MDGA2: variants seen among roughly 807,000 people sequenced by gnomAD.
MDGA2 encodes MAM domain-containing glycosylphosphatidylinositol anchor protein 2.
MDGA2 carries 40 observed loss-of-function variants against 117.8 expected under a neutral mutation model. That is an observed-to-expected ratio of 0.34 (90% CI 0.26 to 0.44). The LOEUF (loss-of-function observed/expected upper bound fraction) is 0.44. Ranked by LOEUF, MDGA2 falls within the 20% of genes least tolerant of loss-of-function variation. The pLI is 1.00. For missense variants in MDGA2, 1,123 were observed against 1,250.6 expected, an observed-to-expected ratio of 0.90 and a Z score of 1.54; for synonymous variants, 452 against 439.0, an observed-to-expected ratio of 1.03 and a Z score of -0.37.
At chr14:47,307,691 G>GA (rs113956118) in intron 1 of MDGA2, among the ~76,000 whole-genome samples, 15 of 150,072 alleles carry the variant, frequency 1.0e-4, no homozygotes, top group East Asian at 2.0e-4. Context: ...CTGTGGGGGG[G>GA]AAAAAAAAAG....
At chr14:47,278,576 T>G (rs544048840) in intron 2 of MDGA2, among the ~76,000 whole-genome samples, 1 of 152,180 alleles carries the variant, frequency 6.6e-6, no homozygotes, top group Non-Finnish European at 1.5e-5. Context: ...TAAAGACCTG[T>G]GTTAAGTATC....
chr14:47,296,776 C>T (rs759268939), intron 2 of MDGA2, among the ~76,000 whole-genome samples: 3 of 152,174 alleles, frequency 2.0e-5, no homozygotes, highest in Non-Finnish European at 4.4e-5. Flanking sequence ...ATATACCCTA[C>T]AAGTATTCAT....
intron 4 of MDGA2, among the ~76,000 whole-genome samples, chr14:47,132,200 A>G: frequency 6.6e-6 from 1 of 151,954 alleles, no homozygotes; most frequent in East Asian, 1.9e-4. Context: ...AGTGTACTTA[A>G]TAATGGAGTG....
intron 1 of MDGA2, among the ~76,000 whole-genome samples, chr14:47,557,386 T>G (rs999980023): frequency 6.6e-6 from 1 of 152,148 alleles, no homozygotes; most frequent in Non-Finnish European, 1.5e-5. Flanking sequence ...TGGGAAAATT[T>G]AAGGGTGTAA....
At chr14:47,482,430 G>A (rs1893973360) in intron 1 of MDGA2, among the ~76,000 whole-genome samples, 3 of 151,940 alleles carry the variant, frequency 2.0e-5, no homozygotes, top group African/African-American at 7.2e-5. Context: ...TTAGTTCCAG[G>A]TCTAAGTAAA....
In MDGA2 at chr14:47,674,583, A is replaced by T. The variant is rs1343549707; in HGVS notation, c.214T>A (p.Leu72Ile). ...GYVHVHVKMD[L>I]LYGLVWLLTV... Reference sequence around the variant, plus strand: ...AGCAGCCACACGAGACCGTACAGTAAATCCATCTTCACGTGAACATGAACA... The same window carrying T: ...AGCAGCCACACGAGACCGTACAGTATATCCATCTTCACGTGAACATGAACA... The change falls in exon 1 of 17, where the codon TTA becomes ATA. Residue 72 changes from leucine to isoleucine, a missense_variant. Transcript: ENST00000399232. 12 of 1,551,506 alleles carry T rather than the reference A, an allele frequency of 7.7e-6. No homozygotes were observed. The East Asian group carries it at 2.9e-4, about 38-fold the overall frequency.
intron 3 of MDGA2, among the ~76,000 whole-genome samples, chr14:47,174,513 A>T (rs1417920269): frequency 1.3e-5 from 2 of 152,066 alleles, no homozygotes; most frequent in African/African-American, 2.4e-5. Context: ...ACCGCTCAAC[A>T]ACATGGAAAC....
intron 1 of MDGA2, among the ~76,000 whole-genome samples, chr14:47,455,241 C>T (rs192406150): frequency 6.6e-5 from 10 of 152,236 alleles, no homozygotes; most frequent in African/African-American, 2.4e-4. Flanking sequence ...TGCGGTGGCT[C>T]ACGCCTATAA....
At chr14:47,529,458 C>G (rs945241174) in intron 1 of MDGA2, among the ~76,000 whole-genome samples, 2 of 152,052 alleles carry the variant, frequency 1.3e-5, no homozygotes, top group African/African-American at 4.8e-5. Flanking sequence ...GTATCCCCCC[C>G]CTCAGGTATT....
chr14:47,202,825 T>C (rs146521282), intron 3 of MDGA2, among the ~76,000 whole-genome samples: 1 of 149,422 alleles, frequency 6.7e-6, no homozygotes, highest in East Asian at 1.9e-4. Context: ...ATGACCTTAA[T>C]GCCCAAGTTA....
chr14:47,625,296 T>C (rs944072483), intron 1 of MDGA2, among the ~76,000 whole-genome samples: 7 of 149,822 alleles, frequency 4.7e-5, no homozygotes, highest in African/African-American at 1.8e-4. Flanking sequence ...TCCTAAACAA[T>C]GTTTATGCAA....
intron 6 of MDGA2, among the ~76,000 whole-genome samples, chr14:47,064,219 G>A (rs1384509906): frequency 1.3e-5 from 2 of 151,826 alleles, no homozygotes; most frequent in Admixed American, 1.3e-4. Context: ...GAAAAACATT[G>A]GTGAATCTTA....
chr14:47,335,537 A>G (rs1464555650), intron 1 of MDGA2, among the ~76,000 whole-genome samples: 6 of 151,346 alleles, frequency 4.0e-5, no homozygotes, highest in Admixed American at 2.0e-4. Context: ...ATGGCAAATA[A>G]GGTCAACAGT....
intron 15 of MDGA2, among the ~76,000 whole-genome samples, chr14:46,847,892 CT>C (rs1367333417): frequency 6.6e-6 from 1 of 151,860 alleles, no homozygotes; most frequent in African/African-American, 2.4e-5. Flanking sequence ...AAATATTTTC[CT>C]TTTTCCAAAA....
At chr14:47,448,035 T>C (rs980184004) in intron 1 of MDGA2, among the ~76,000 whole-genome samples, 14 of 152,156 alleles carry the variant, frequency 9.2e-5, no homozygotes, top group Admixed American at 5.9e-4. Flanking sequence ...TTCTGGGTAA[T>C]AGCAATCCCT....
intron 3 of MDGA2, chr14:47,200,529 C>CTTTTT (rs1566677695): frequency 3.4e-6 from 2 of 586,104 alleles, no homozygotes; most frequent in South Asian, 3.5e-5. Flanking sequence ...TTTTCTTTTT[C>CTTTTT]TTTTCTTTTT....
At chr14:47,467,005 A>G (rs1034359437) in intron 1 of MDGA2, among the ~76,000 whole-genome samples, 1 of 152,124 alleles carries the variant, frequency 6.6e-6, no homozygotes, top group Non-Finnish European at 1.5e-5. Flanking sequence ...ACACACCACC[A>G]GCTCAGAGGC....
At chr14:47,463,585 A>C (rs1358110656) in intron 1 of MDGA2, among the ~76,000 whole-genome samples, 2 of 152,182 alleles carry the variant, frequency 1.3e-5, no homozygotes, top group Admixed American at 6.5e-5. Flanking sequence ...GTAGTGACTG[A>C]GGAGAACTTT....
intron 6 of MDGA2, among the ~76,000 whole-genome samples, chr14:47,062,865 C>G (rs935979329): frequency 3.3e-5 from 5 of 152,020 alleles, no homozygotes; most frequent in African/African-American, 4.8e-5. Context: ...AACTCTTTAG[C>G]CTCAAATATT....
Sources: allele counts gnomAD v4.1 joint callset (sites outside exome capture counted in the v4.1 genomes callset), GRCh38; gene constraint gnomAD v4.1.1; transcripts MANE v1.5; gene names NCBI Gene and HGNC (gene_info 2026-07-23, HGNC 2026-07-21).